The following STON2 variants were observed in gnomAD, a reference collection of about 807,000 sequenced individuals.
STON2 encodes the protein stonin 2, also known as stonin-2.
Under a neutral mutation model 65.7 loss-of-function variants are expected in STON2, and 29 were observed. The ratio of observed to expected loss-of-function variants is 0.44; its 90% CI spans 0.33 to 0.60. The LOEUF (loss-of-function observed/expected upper bound fraction) is 0.60, where lower values mean the gene tolerates loss of function less well. Among genes scored for constraint, STON2 ranks in the 20% least tolerant of loss-of-function variants. The pLI is 0.03. For missense variants in STON2, 1,054 were observed against 1,118.1 expected (o/e 0.94, Z 0.82); for synonymous variants, 404 against 414.2 (o/e 0.98, Z 0.30).
Position 81,396,150 on chromosome 14 carries a change from CA to C in STON2, c.116del (p.Leu39ArgfsTer90). On this transcript the variant is annotated frameshift_variant, in exon 3 of 8. Transcript: ENST00000614646. LOFTEE classifies it high-confidence loss of function. ...TCTCGGACTGGTCTGGGGAAGATGA[CA>C]GTCCTGGGAGGTGCTCTTCCGTGCC... ...QGGTEEHLPG[L>X]SSSPDQSESS... The C allele has an allele frequency of 6.2e-7, 1 of 1,613,496 alleles. No homozygotes were observed. Among genetic ancestry groups the C allele is most frequent in the Non-Finnish European group, 8.5e-7 (1 of 1,179,744 alleles).
At chr14:81,333,934 G>C (rs114214225) in intron 4 of STON2, among the ~76,000 whole-genome samples, 1 of 152,086 alleles carries the variant, frequency 6.6e-6, no homozygotes, top group Non-Finnish European at 1.5e-5. Context: ...TTCTGAAACC[G>C]CCTCCATTTC....
Position 81,413,202 on chromosome 14 carries a change from T to A in STON2, c.-199+13900A>T, listed in dbSNP as rs111999276. ...ACCAAACACTTCATCTACTTCTACC[T>A]GGGCCAAGTGGCCATTCTTCTGTTC... On this transcript the variant is annotated intron_variant, in intron 2 of 8. Transcript: ENST00000553821. 2 of 1,546,610 alleles carry A rather than the reference T, an allele frequency of 1.3e-6. 1 individual carries two copies. Among genetic ancestry groups the A allele is most frequent in the African/African-American group, 3.2e-5 (2 of 62,238 alleles).
chr14:81,345,154 T>C (rs563131153), intron 4 of STON2, among the ~76,000 whole-genome samples: 3 of 152,254 alleles, frequency 2.0e-5, no homozygotes, highest in Non-Finnish European at 4.4e-5. Flanking sequence ...ACTGGTTATC[T>C]TGGGCAGGGT....
chr14:81,339,335 G>A (rs1897501222), intron 4 of STON2, among the ~76,000 whole-genome samples: 1 of 152,130 alleles, frequency 6.6e-6, no homozygotes. Context: ...GTTTAGGCAG[G>A]GGAAATCACA....
intron 5 of STON2, among the ~76,000 whole-genome samples, chr14:81,315,206 T>G (rs1896574201): frequency 6.6e-6 from 1 of 152,154 alleles, no homozygotes; most frequent in African/African-American, 2.4e-5. Flanking sequence ...TAAGAGAAAG[T>G]TTTTGAAATG....
At chr14:81,378,098 G>C (rs1448911007) in intron 3 of STON2, among the ~76,000 whole-genome samples, 1 of 152,022 alleles carries the variant, frequency 6.6e-6, no homozygotes, top group African/African-American at 2.4e-5. Context: ...AGCCCACCTT[G>C]GCCTCCCAAA....
intron 4 of STON2, among the ~76,000 whole-genome samples, chr14:81,365,036 C>T (rs952996381): frequency 6.6e-6 from 1 of 152,236 alleles, no homozygotes; most frequent in African/African-American, 2.4e-5. Flanking sequence ...CCATGGAACA[C>T]AGGCTATACA....
chr14:81,413,222 C>T lies in STON2; in HGVS notation c.-199+13880G>A. 7.8e-6 allele frequency: 12 copies of T among 1,546,110 alleles called. 1 individual carries two copies. The highest frequency in any genetic ancestry group is 1.0e-5 in the Non-Finnish European group (12 of 1,159,390). On this transcript the variant is annotated intron_variant, in intron 2 of 8. Coordinates refer to the STON2 transcript ENST00000553821. ...CTACCTGGGCCAAGTGGCCATTCTT[C>T]TGTTCAAATCTGGTTAAAAGCATGG... is the stretch of plus-strand genomic sequence containing the variant.
chr14:81,378,895 A>G (rs1219684929), intron 3 of STON2, among the ~76,000 whole-genome samples: 2 of 152,186 alleles, frequency 1.3e-5, no homozygotes, highest in East Asian at 3.9e-4. Context: ...CATGGTAGTA[A>G]TTTTTAGCAA....
chr14:81,366,749 C>T (rs371086650), intron 4 of STON2, among the ~76,000 whole-genome samples: 6 of 152,088 alleles, frequency 3.9e-5, no homozygotes, highest in East Asian at 1.9e-4. Context: ...TAACAGCTTT[C>T]TTTGGGGGTA....
At chr14:81,355,484 T>C (rs1381099790) in intron 4 of STON2, among the ~76,000 whole-genome samples, 12 of 152,138 alleles carry the variant, frequency 7.9e-5, no homozygotes, top group Non-Finnish European at 1.5e-4. Flanking sequence ...AATGAGATGA[T>C]ATATTCAAAG....
rs1293619704 is a variant in STON2, at chr14:81,406,251, A to G, written c.-198-7671T>C. 3.9e-5 allele frequency among the ~76,000 whole-genome samples: 6 copies of G among 152,288 alleles called. No individual in the cohort carries two copies. The East Asian group carries it at 9.6e-4, about 24-fold the overall frequency. ...AATACTCCTTAATAAACTACCCTTC[A>G]TATATACATCTATCCTATTAATTCT... On this transcript the variant is annotated intron_variant, in intron 2 of 8. Coordinates refer to the STON2 transcript ENST00000553821.
rs1898908514 is a variant in STON2, at chr14:81,369,887, G to A, written c.571+1101C>T. On this transcript the variant is annotated intron_variant, in intron 4 of 7. Coordinates refer to ENST00000614646, the MANE Select transcript of STON2 (RefSeq NM_001394390.1). ...CGCATCCATGAGATGCCCCCACTGTGGAAATGGGGCTGTGGGGGCATATTT... is the reference window on the plus strand; with the variant it reads ...CGCATCCATGAGATGCCCCCACTGTAGAAATGGGGCTGTGGGGGCATATTT... Among the ~76,000 whole-genome samples the A allele has an allele frequency of 2.0e-5, 3 of 152,300 alleles. No homozygotes were observed. In the South Asian group the frequency reaches 6.2e-4, roughly 32 times the overall value.
chr14:81,292,182 C>A (rs1175340491), intron 5 of STON2, among the ~76,000 whole-genome samples: 6 of 152,334 alleles, frequency 3.9e-5, no homozygotes, highest in African/African-American at 1.4e-4. Context: ...TTAAAACCAG[C>A]ATTCCAATTC....
At chr14:81,427,256 T>C (rs1902025202) in intron 1 of STON2, 1 of 152,230 alleles carries the variant, frequency 6.6e-6, no homozygotes, top group African/African-American at 2.4e-5. Context: ...TGCACTCTTA[T>C]CTGGCTTTCT....
chr14:81,385,008 C>T (rs1184071116), intron 3 of STON2, among the ~76,000 whole-genome samples: 2 of 152,170 alleles, frequency 1.3e-5, no homozygotes, highest in Admixed American at 1.3e-4. Context: ...TCCCCAAAAG[C>T]TCCATTAGTA....
chr14:81,261,151 T>A lies in STON2; in HGVS notation c.*7263A>T, dbSNP rs1304140919. The A allele has an allele frequency of 6.6e-6, 1 of 152,230 alleles. No individual in the cohort carries two copies. Among genetic ancestry groups the A allele is most frequent in the Non-Finnish European group, 1.5e-5 (1 of 68,046 alleles). 9.4% of individuals were successfully genotyped at this position (152,230 alleles called of 1,614,324 possible). On this transcript the variant is annotated 3_prime_UTR_variant, in exon 8 of 8. Transcript: ENST00000614646. ...TTCCCTCACCCCTATACTTTAGAAC[T>A]CTCACACCCAACAATTTGCTGTTGG...
intron 4 of STON2, among the ~76,000 whole-genome samples, chr14:81,350,329 A>G (rs1897976375): frequency 6.6e-6 from 1 of 152,170 alleles, no homozygotes; most frequent in Non-Finnish European, 1.5e-5. Flanking sequence ...AAATATGTAC[A>G]AATACTATGC....
chr14:81,263,666 G>A lies in STON2; in HGVS notation c.*4748C>T. 1.1e-6 allele frequency: 1 copy of A among 937,178 alleles called. No homozygotes were observed. The highest frequency in any genetic ancestry group is 1.3e-6 in the Non-Finnish European group (1 of 786,172). 58.1% of individuals were successfully genotyped at this position (937,178 alleles called of 1,614,324 possible). A position where few individuals can be genotyped will look rare whatever the true frequency, so the allele number is the denominator to read the frequency against. On this transcript the variant is annotated 3_prime_UTR_variant, in exon 8 of 8. Coordinates refer to ENST00000614646, the MANE Select transcript of STON2 (RefSeq NM_001394390.1). Reference sequence around the variant, plus strand: ...CAATTCTTCTTCCTATGTGGCCCAGGGAAGCCAAAAGATTGGACCTCCCTG... The same window carrying A: ...CAATTCTTCTTCCTATGTGGCCCAGAGAAGCCAAAAGATTGGACCTCCCTG...
Sources: allele counts gnomAD v4.1 joint callset (sites outside exome capture counted in the v4.1 genomes callset), GRCh38; gene constraint gnomAD v4.1.1; transcripts MANE v1.5; gene names NCBI Gene and HGNC (gene_info 2026-07-23, HGNC 2026-07-21).